The following MSI2 variants were observed in gnomAD, a reference collection of about 807,000 sequenced individuals.
The protein encoded by MSI2 is RNA-binding protein Musashi homolog 2.
Under a neutral mutation model 45.6 loss-of-function variants are expected in MSI2, and 17 were observed. The observed-to-expected ratio is 0.37, with a 90% CI of 0.26 to 0.56. MSI2 has a LOEUF of 0.56. Among genes scored for constraint, MSI2 ranks in the 20% least tolerant of loss-of-function variants. The probability of loss-of-function intolerance (pLI) is 0.77; values close to 1 mark genes in which losing one functional copy is unlikely to be tolerated. For synonymous variants in MSI2, 156 were observed against 158.2 expected (o/e 0.99, Z 0.11); for missense variants, 293 against 444.2 (o/e 0.66, Z 3.06).
chr17:57,408,044 G>C (rs187687021), intron 6 of MSI2, among the ~76,000 whole-genome samples: 2 of 152,126 alleles, frequency 1.3e-5, no homozygotes, highest in Non-Finnish European at 2.9e-5. Flanking sequence ...ATGATCCTGG[G>C]GCTTTGCAGG....
At chr17:57,524,807 G>C (rs538295451) in intron 6 of MSI2, among the ~76,000 whole-genome samples, 2 of 152,322 alleles carry the variant, frequency 1.3e-5, no homozygotes, top group African/African-American at 4.8e-5. Context: ...GGGAAATTTT[G>C]TTTCATGTAT....
chr17:57,494,329 C>T (rs932778866), intron 6 of MSI2, among the ~76,000 whole-genome samples: 4 of 152,170 alleles, frequency 2.6e-5, no homozygotes, highest in Non-Finnish European at 5.9e-5. Flanking sequence ...CTTCTGGACT[C>T]CCATGCCCAA....
At chr17:57,342,794 G>A (rs759299467) in intron 5 of MSI2, among the ~76,000 whole-genome samples, 2 of 152,124 alleles carry the variant, frequency 1.3e-5, no homozygotes, top group African/African-American at 4.8e-5. Context: ...GATAGAAGGG[G>A]AAAATGAGTT....
chr17:57,610,181 A>T (rs528448059), intron 8 of MSI2, among the ~76,000 whole-genome samples: 1 of 152,292 alleles, frequency 6.6e-6, no homozygotes, highest in South Asian at 2.1e-4. Context: ...GGCCAGGTGC[A>T]GTGGCTCACG....
intron 10 of MSI2, among the ~76,000 whole-genome samples, chr17:57,651,279 G>A (rs915284125): frequency 1.3e-5 from 2 of 152,108 alleles, no homozygotes; most frequent in African/African-American, 4.8e-5. Context: ...CCTTGATCAA[G>A]AAGAAATCCA....
At chr17:57,353,116 CT>C (rs1459292428) in intron 5 of MSI2, among the ~76,000 whole-genome samples, 1 of 152,186 alleles carries the variant, frequency 6.6e-6, no homozygotes, top group Admixed American at 6.5e-5. Flanking sequence ...ATTGGCCCAT[CT>C]TTCCCCAGAT....
chr17:57,667,390 G>A (rs1912445652), intron 11 of MSI2, among the ~76,000 whole-genome samples: 1 of 152,170 alleles, frequency 6.6e-6, no homozygotes, highest in Non-Finnish European at 1.5e-5. Context: ...GTAAGGTGTT[G>A]TTGAAGCATC....
At chr17:57,260,686 T>C (rs73323419) in intron 4 of MSI2, among the ~76,000 whole-genome samples, 9,692 of 152,294 alleles carry the variant, frequency 0.064, 514 homozygotes, top group African/African-American at 0.14. Flanking sequence ...GAGATTTTTG[T>C]CTATTTTAGT....
chr17:57,469,908 A>G (rs1348158243), intron 6 of MSI2, among the ~76,000 whole-genome samples: 3 of 152,174 alleles, frequency 2.0e-5, no homozygotes, highest in Non-Finnish European at 4.4e-5. Context: ...GCCCACCTGG[A>G]CTTCTTTGCT....
intron 10 of MSI2, among the ~76,000 whole-genome samples, chr17:57,645,530 G>C (rs530129063): frequency 2.0e-5 from 3 of 151,862 alleles, no homozygotes; most frequent in Non-Finnish European, 4.4e-5. Context: ...CCGCCTCCTG[G>C]GTTCAAGTGA....
rs1172947137 is a variant in MSI2, at chr17:57,514,090, G to A, written c.406-15586G>A. Among the ~76,000 whole-genome samples, 5 of 152,282 alleles carry A rather than the reference G, an allele frequency of 3.3e-5. No homozygotes were observed. The South Asian group carries it at 1.0e-3, about 32-fold the overall frequency. On this transcript the variant is annotated intron_variant, in intron 6 of 13. Transcript: ENST00000284073. ...CACAGTCTGATTTCAACAAGAATTT[G>A]TCTTTGTTAATTTATATAGGGAAGT...
intron 1 of MSI2, 57 bp downstream of exon 1, chr17:57,256,861 C>T: frequency 1.5e-6 from 2 of 1,325,966 alleles, no homozygotes; most frequent in East Asian, 2.9e-5. Flanking sequence ...CTTGCAGCGG[C>T]GGGGACGGCG....
intron 5 of MSI2, among the ~76,000 whole-genome samples, chr17:57,334,240 T>C (rs898348178): frequency 6.6e-6 from 1 of 152,244 alleles, no homozygotes; most frequent in African/African-American, 2.4e-5. Flanking sequence ...TTTTGATTCC[T>C]GTCTTTTCCC....
Position 57,488,568 on chromosome 17 carries a change from A to G in MSI2, c.406-41108A>G, listed in dbSNP as rs970357288. On this transcript the variant is annotated intron_variant, in intron 6 of 13. Coordinates refer to ENST00000284073, the MANE Select transcript of MSI2 (RefSeq NM_138962.4). Reference sequence around the variant, plus strand: ...CCGGGCGCAGTGGCTCACGCCTGTAATCCCAGCACTTTGGGAGGCCAAGGT... The same window carrying G: ...CCGGGCGCAGTGGCTCACGCCTGTAGTCCCAGCACTTTGGGAGGCCAAGGT... Among the ~76,000 whole-genome samples the G allele has an allele frequency of 2.6e-5, 4 of 152,156 alleles. 1 individual carries two copies. The South Asian group carries it at 6.2e-4, about 24-fold the overall frequency.
In MSI2 at chr17:57,313,096, C is replaced by T. The variant is rs1407724397; in HGVS notation, c.312+50904C>T. Among the ~76,000 whole-genome samples the T allele has an allele frequency of 1.3e-5, 2 of 152,308 alleles. 1 individual carries two copies. Among genetic ancestry groups the T allele is most frequent in the Non-Finnish European group, 2.9e-5 (2 of 68,030 alleles). On this transcript the variant is annotated intron_variant, in intron 5 of 13. Transcript: ENST00000284073. ...TCTGGACCTCGTGATCCACCAGCCT[C>T]AGCCTCCCAAAGTGCTGGGATTACA... is the stretch of plus-strand genomic sequence containing the variant.
chr17:57,563,053 G>A (rs556837000), intron 7 of MSI2, among the ~76,000 whole-genome samples: 32 of 129,284 alleles, frequency 2.5e-4, no homozygotes, highest in Non-Finnish European at 3.2e-4. Context: ...AGCAGAGATC[G>A]CACCACTGCA....
At position 57,599,872 on chromosome 17, in the gene MSI2, C is replaced by G. The variant is rs182304273; in HGVS notation, c.537+2922C>G. The stretch of plus-strand genomic sequence containing the variant: ...GGTTGTTAGAGACTGGGTGACATAC[C>G]AGGAGCAAAGGGCTTACTTAGCACA... On this transcript the variant is annotated intron_variant, in intron 8 of 13. Coordinates refer to ENST00000284073, the MANE Select transcript of MSI2 (RefSeq NM_138962.4). 9.3e-4 allele frequency among the ~76,000 whole-genome samples: 142 copies of G among 152,238 alleles called. No homozygotes were observed. In the Middle Eastern group the frequency reaches 0.031, roughly 33 times the overall value.
rs540783306 is a variant in MSI2 at position 57,273,440 on chromosome 17, C to T, written c.312+11248C>T. ...CGATGTTCAGGTTAATGTCCATACA[C>T]GTCCCATATTCTTGTTAAAAATGAT... On this transcript the variant is annotated intron_variant, in intron 5 of 13. Transcript: ENST00000284073. Among the ~76,000 whole-genome samples the T allele has an allele frequency of 4.3e-4, 64 of 147,518 alleles. 1 individual carries two copies. Among genetic ancestry groups the T allele is most frequent in the Non-Finnish European group, 4.6e-4 (31 of 67,548 alleles).
At chr17:57,565,124 G>A (rs189358997) in intron 7 of MSI2, among the ~76,000 whole-genome samples, 1 of 152,318 alleles carries the variant, frequency 6.6e-6, no homozygotes, top group African/African-American at 2.4e-5. Context: ...AAGGTGGTCT[G>A]ACTTGAGAGC....
Sources: gnomAD v4.1 joint callset for allele counts (sites outside exome capture counted in the v4.1 genomes callset) on GRCh38, gnomAD v4.1.1 for gene constraint, MANE v1.5 for transcripts, NCBI Gene and HGNC (gene_info 2026-07-23, HGNC 2026-07-21) for gene names.